CFAP54: variants seen among roughly 807,000 people sequenced by gnomAD.
CFAP54 encodes cilia- and flagella-associated protein 54.
A neutral mutation model predicts 370.4 loss-of-function variants in CFAP54; 290 were observed. That is an observed-to-expected ratio of 0.78 (90% CI 0.71 to 0.86). CFAP54 has a LOEUF of 0.86. Ranked by LOEUF, CFAP54 falls within the 40% of genes least tolerant of loss-of-function variation. CFAP54 has a pLI of 0.00. For synonymous variants in CFAP54, 1,206 were observed against 1,236.5 expected, an observed-to-expected ratio of 0.98 and a Z score of 0.52; for missense variants, 3,399 against 3,528.7, an observed-to-expected ratio of 0.96 and a Z score of 0.93.
chr12:96,613,615 C>G (rs994424164), intron 26 of CFAP54, among the ~76,000 whole-genome samples: 1 of 152,004 alleles, frequency 6.6e-6, no homozygotes, highest in Non-Finnish European at 1.5e-5. Flanking sequence ...AATTGATAGA[C>G]CACTACCAAG....
At chr12:96,588,263 C>G (rs1023253030) in intron 22 of CFAP54, among the ~76,000 whole-genome samples, 2 of 152,014 alleles carry the variant, frequency 1.3e-5, no homozygotes, top group Non-Finnish European at 2.9e-5. Flanking sequence ...ATTTCCATTA[C>G]TGGACCTTTT....
chr12:96,656,665 G>A (rs1956926743), intron 36 of CFAP54, among the ~76,000 whole-genome samples: 1 of 152,210 alleles, frequency 6.6e-6, no homozygotes, highest in Admixed American at 6.5e-5. Flanking sequence ...ACAGGCATGA[G>A]CCACCATGCC....
intron 32 of CFAP54, among the ~76,000 whole-genome samples, chr12:96,632,335 A>G (rs2136477510): frequency 6.6e-6 from 1 of 152,020 alleles, no homozygotes; most frequent in Admixed American, 6.6e-5. Flanking sequence ...ATTGTTTTGG[A>G]AATTCCTAAT....
intron 14 of CFAP54, among the ~76,000 whole-genome samples, chr12:96,544,144 A>C (rs1955610392): frequency 6.6e-6 from 1 of 151,882 alleles, no homozygotes; most frequent in African/African-American, 2.4e-5. Context: ...CAATAACATA[A>C]ACCATCAATG....
At chr12:96,581,600 A>G (rs1956033238) in intron 22 of CFAP54, among the ~76,000 whole-genome samples, 1 of 152,088 alleles carries the variant, frequency 6.6e-6, no homozygotes, top group Non-Finnish European at 1.5e-5. Context: ...CAGTGGTGTC[A>G]AGATTGAGAA....
At chr12:96,693,123 A>G (rs1207033401) in intron 44 of CFAP54, among the ~76,000 whole-genome samples, 1 of 152,214 alleles carries the variant, frequency 6.6e-6, no homozygotes, top group Non-Finnish European at 1.5e-5. Flanking sequence ...GAGAAGAGTA[A>G]GCTTGGGTTT....
At chr12:96,540,762 A>C in intron 13 of CFAP54, 75 bp from the exon 14 acceptor site, 2 of 966,146 alleles carry the variant, frequency 2.1e-6, no homozygotes, top group Non-Finnish European at 2.8e-6. Flanking sequence ...AGGAAGTATA[A>C]GTTTTGAAAA....
intron 32 of CFAP54, among the ~76,000 whole-genome samples, chr12:96,641,936 T>TGGGGGGGTG (rs758561828): frequency 1.2e-5 from 1 of 85,876 alleles, no homozygotes; most frequent in Non-Finnish European, 2.4e-5. Flanking sequence ...TGTGGGGTGG[T>TGGGGGGGTG]GCGGGGGGGG....
chr12:96,585,148 A>C (rs1956065611), intron 22 of CFAP54, among the ~76,000 whole-genome samples: 1 of 143,860 alleles, frequency 7.0e-6, no homozygotes, highest in Non-Finnish European at 1.5e-5. Context: ...TATTTTTTTG[A>C]CTTCTTTTTA....
At chr12:96,736,237 A>G (rs1957978963) in intron 50 of CFAP54, among the ~76,000 whole-genome samples, 1 of 152,146 alleles carries the variant, frequency 6.6e-6, no homozygotes, top group Admixed American at 6.5e-5. Flanking sequence ...TTTCAGCATT[A>G]TGTGTTAGCT....
At chr12:96,499,862 C>CA (rs1955005011) in intron 1 of CFAP54, among the ~76,000 whole-genome samples, 1 of 152,134 alleles carries the variant, frequency 6.6e-6, no homozygotes, top group Non-Finnish European at 1.5e-5. Flanking sequence ...AGGAGAATTG[C>CA]TTGAACCCCA....
intron 48 of CFAP54, among the ~76,000 whole-genome samples, chr12:96,712,774 T>C (rs577917280): frequency 1.5e-3 from 223 of 152,310 alleles, no homozygotes; most frequent in African/African-American, 5.1e-3. Context: ...GAACAGGCAA[T>C]GTTTTTCTTT....
intron 63 of CFAP54, 147 bp from the exon 64 acceptor site, chr12:96,811,589 T>A (rs1958928629): frequency 6.0e-6 from 3 of 499,348 alleles, no homozygotes; most frequent in Admixed American, 3.8e-5. Context: ...TCATTTCTCT[T>A]TCAGGTGAAT....
chr12:96,666,384 C>A (rs1438335325), intron 39 of CFAP54, among the ~76,000 whole-genome samples: 4 of 152,162 alleles, frequency 2.6e-5, no homozygotes, highest in African/African-American at 7.2e-5. Flanking sequence ...TTGCTTTTAA[C>A]TGATAAGCCC....
At chr12:96,734,825 AT>A (rs1369410003) in intron 50 of CFAP54, among the ~76,000 whole-genome samples, 3 of 152,208 alleles carry the variant, frequency 2.0e-5, no homozygotes, top group South Asian at 4.1e-4. Context: ...AAATATTTTA[AT>A]TTTTATAAGT....
intron 42 of CFAP54, among the ~76,000 whole-genome samples, chr12:96,685,639 T>C (rs189412914): frequency 1.8e-4 from 27 of 152,126 alleles, no homozygotes; most frequent in Non-Finnish European, 1.9e-4. Context: ...GCAACCTCCG[T>C]CTCCTGGGTT....
At chr12:96,783,430 A>G (rs1033092585) in intron 60 of CFAP54, among the ~76,000 whole-genome samples, 16 of 152,212 alleles carry the variant, frequency 1.1e-4, no homozygotes, top group African/African-American at 3.1e-4. Flanking sequence ...GTTCTAATCA[A>G]ATGTTATTTA....
chr12:96,685,388 AT>A (rs1232279991), intron 42 of CFAP54, 150 bp downstream of exon 42: 1 of 646,200 alleles, frequency 1.5e-6, no homozygotes, highest in African/African-American at 1.8e-5. Flanking sequence ...TTATTTACTT[AT>A]TTGTGATGTT....
intron 40 of CFAP54, among the ~76,000 whole-genome samples, chr12:96,680,383 A>C (rs971347603): frequency 6.6e-6 from 1 of 152,184 alleles, no homozygotes; most frequent in African/African-American, 2.4e-5. Context: ...TTAGGCTGGA[A>C]AAATCCTGAA....
Sources: gnomAD v4.1 joint callset for allele counts (sites outside exome capture counted in the v4.1 genomes callset) on GRCh38, gnomAD v4.1.1 for gene constraint, MANE v1.5 for transcripts, NCBI Gene and HGNC (gene_info 2026-07-23, HGNC 2026-07-21) for gene names.